CCN4: variants seen among roughly 807,000 people sequenced by gnomAD.
CCN4 encodes cellular communication network factor 4.
CCN4 carries 30 observed loss-of-function variants against 36.7 expected under a neutral mutation model. The observed-to-expected ratio is 0.82, with a 90% CI of 0.61 to 1.11. The LOEUF (loss-of-function observed/expected upper bound fraction) is 1.11. Among genes scored for constraint, CCN4 ranks in the 50% least tolerant of loss-of-function variants. CCN4 has a pLI of 0.00. For synonymous variants in CCN4, 191 were observed against 195.4 expected, an observed-to-expected ratio of 0.98 and a Z score of 0.19; for missense variants, 505 against 504.9, an observed-to-expected ratio of 1.00 and a Z score of 0.00.
chr8:133,194,816 G>C (rs992329570), intron 1 of CCN4, among the ~76,000 whole-genome samples: 2 of 142,788 alleles, frequency 1.4e-5, no homozygotes, highest in African/African-American at 2.6e-5. Flanking sequence ...ATTGTGTGTG[G>C]TGTGTGTGGT....
At chr8:133,207,975 C>G (rs1178691445) in intron 1 of CCN4, among the ~76,000 whole-genome samples, 1 of 148,362 alleles carries the variant, frequency 6.7e-6, no homozygotes, top group Admixed American at 6.9e-5. Flanking sequence ...ACTGATGGTG[C>G]ACTCACTACC....
chr8:133,213,953 T>TAGTTATATATAG, intron 2 of CCN4, among the ~76,000 whole-genome samples: 1 of 3,214 alleles, frequency 3.1e-4, no homozygotes, highest in African/African-American at 7.9e-4. Flanking sequence ...TATATAGTAG[T>TAGTTATATATAG]TATATATACT....
chr8:133,220,962 C>T (rs1286139505), intron 3 of CCN4, 121 bp downstream of exon 3: 1 of 1,347,578 alleles, frequency 7.4e-7, no homozygotes, highest in African/African-American at 1.5e-5. Flanking sequence ...GCTTTGTGAC[C>T]TTGAGAAAGT....
chr8:133,212,837 C>A (rs765898348), intron 1 of CCN4, 27 bp from the exon 2 acceptor site: 2 of 1,513,004 alleles, frequency 1.3e-6, no homozygotes, highest in African/African-American at 2.7e-5. Flanking sequence ...TCAGCAGCCC[C>A]CCTTTCCCTC....
At chr8:133,194,475 GT>G (rs1387068450) in intron 1 of CCN4, among the ~76,000 whole-genome samples, 2 of 104,190 alleles carry the variant, frequency 1.9e-5, no homozygotes, top group African/African-American at 4.1e-5. Context: ...GGGTGTGTGT[GT>G]GTGTGGTGGG....
At chr8:133,203,469 A>G (rs1276704736) in intron 1 of CCN4, among the ~76,000 whole-genome samples, 1 of 152,202 alleles carries the variant, frequency 6.6e-6, no homozygotes, top group Non-Finnish European at 1.5e-5. Flanking sequence ...ACCACCTTCC[A>G]GCTGCGAGAT....
intron 3 of CCN4, among the ~76,000 whole-genome samples, chr8:133,222,550 G>A (rs1376848461): frequency 6.6e-6 from 1 of 151,588 alleles, no homozygotes; most frequent in Non-Finnish European, 1.5e-5. Context: ...TGGCCTGAGG[G>A]TAACATCCAC....
chr8:133,210,959 A>C (rs1854002510), intron 1 of CCN4, among the ~76,000 whole-genome samples: 3 of 152,108 alleles, frequency 2.0e-5, no homozygotes, highest in Admixed American at 2.0e-4. Context: ...GATTTGACCA[A>C]GTTCTGAAAT....
intron 1 of CCN4, among the ~76,000 whole-genome samples, chr8:133,193,081 G>A (rs1343099679): frequency 2.0e-5 from 3 of 152,150 alleles, no homozygotes; most frequent in African/African-American, 7.2e-5. Context: ...TGAAAGCCCC[G>A]CCCCCTGTGT....
intron 3 of CCN4, 56 bp downstream of exon 3, chr8:133,220,897 C>T (rs1588203059): frequency 2.6e-6 from 4 of 1,538,796 alleles, no homozygotes; most frequent in South Asian, 1.2e-5. Context: ...GTTGTGGACC[C>T]TCCTGGAACT....
rs59929763 is a variant in CCN4 at position 133,224,229 on chromosome 8, C to CTTTTTTTTTTTTTTTTTTTTTTTTTTT, written c.611-1158_611-1132dup. Among the ~76,000 whole-genome samples the CTTTTTTTTTTTTTTTTTTTTTTTTTTT allele has an allele frequency of 6.8e-5, 6 of 88,494 alleles. 3 individuals are homozygous for CTTTTTTTTTTTTTTTTTTTTTTTTTTT. The highest frequency in any genetic ancestry group is 2.9e-4 in the Admixed American group (2 of 6,874). 58.1% of individuals were successfully genotyped at this position (88,494 alleles called of 152,430 possible). A position where few individuals can be genotyped will look rare whatever the true frequency, so the allele number is the denominator to read the frequency against. On this transcript the variant is annotated intron_variant, in intron 3 of 4. Coordinates refer to ENST00000250160, the MANE Select transcript of CCN4 (RefSeq NM_003882.4). ...GATTTGAATTTGAAGCCCGTAAGTCCTTTTTTTTTTTTTTTTTTTTTTTTT... is the reference window on the plus strand; with the variant it reads ...GATTTGAATTTGAAGCCCGTAAGTCCTTTTTTTTTTTTTTTTTTTTTTTTTTTTTTTTTTTTTTTTTTTTTTTTTTTT...
At chr8:133,218,750 A>T (rs1235303396) in intron 2 of CCN4, among the ~76,000 whole-genome samples, 5 of 152,116 alleles carry the variant, frequency 3.3e-5, no homozygotes, top group Admixed American at 3.3e-4. Flanking sequence ...CAGAGAGAGC[A>T]TGGTATCAAG....
chr8:133,201,913 C>T (rs962433646), intron 1 of CCN4, among the ~76,000 whole-genome samples: 3 of 152,028 alleles, frequency 2.0e-5, no homozygotes, highest in Non-Finnish European at 4.4e-5. Context: ...GGAACAAGAC[C>T]AACTAAGTGT....
At chr8:133,226,573 C>T (rs145787185) in intron 4 of CCN4, among the ~76,000 whole-genome samples, 295 of 152,328 alleles carry the variant, frequency 1.9e-3, no homozygotes, top group African/African-American at 6.2e-3. Context: ...TAACTGAAAA[C>T]GTACATGGAA....
rs1854970516 is a variant in CCN4, at chr8:133,231,661, C to G, written c.*3951C>G. On this transcript the variant is annotated 3_prime_UTR_variant, in exon 5 of 5. Transcript: ENST00000250160. ...TATGAGACAATGATGGAGCATTGAG[C>G]ATGTTCAATAAATGTGCAGATGGTG... 1 of 152,122 alleles carries G rather than the reference C, an allele frequency of 6.6e-6. No individual in the cohort carries two copies. Among genetic ancestry groups the G allele is most frequent in the African/African-American group, 2.4e-5 (1 of 41,406 alleles). 9.4% of individuals were successfully genotyped at this position (152,122 alleles called of 1,614,324 possible). A position where few individuals can be genotyped will look rare whatever the true frequency, so the allele number is the denominator to read the frequency against.
chr8:133,194,923 T>A (rs1049854697), intron 1 of CCN4, among the ~76,000 whole-genome samples: 4 of 133,506 alleles, frequency 3.0e-5, no homozygotes, highest in African/African-American at 1.2e-4. Flanking sequence ...GTGTATATGG[T>A]GTGTTTGTGT....
At chr8:133,196,836 G>A (rs141516712) in intron 1 of CCN4, among the ~76,000 whole-genome samples, 143 of 152,272 alleles carry the variant, frequency 9.4e-4, no homozygotes, top group Non-Finnish European at 1.7e-3. Flanking sequence ...AACTTGAGTG[G>A]ATGCACCAGC....
chr8:133,212,789 TGCAATG>T, intron 1 of CCN4, 69 bp from the exon 2 acceptor site: 4 of 1,163,384 alleles, frequency 3.4e-6, no homozygotes, highest in Non-Finnish European at 3.6e-6. Context: ...AGGACAGGAA[TGCAATG>T]GCAGGGCCCT....
At chr8:133,225,753 T>G (rs1429922292) in intron 4 of CCN4, among the ~76,000 whole-genome samples, 170 bp downstream of exon 4, 1 of 152,188 alleles carries the variant, frequency 6.6e-6, no homozygotes, top group Non-Finnish European at 1.5e-5. Context: ...ACCAGATTGG[T>G]GCATTGTGAA....
Sources: gnomAD v4.1 joint callset for allele counts (sites outside exome capture counted in the v4.1 genomes callset) on GRCh38, gnomAD v4.1.1 for gene constraint, MANE v1.5 for transcripts, NCBI Gene and HGNC (gene_info 2026-07-23, HGNC 2026-07-21) for gene names.